The following ZDHHC18 variants were observed in gnomAD, a reference collection of about 807,000 sequenced individuals.
The protein encoded by ZDHHC18 is palmitoyltransferase ZDHHC18.
In ZDHHC18, 23 loss-of-function variants were observed where a neutral mutation model predicts 37.5. The ratio of observed to expected loss-of-function variants is 0.61; its 90% confidence interval spans 0.44 to 0.87. The LOEUF (loss-of-function observed/expected upper bound fraction) is 0.87, where lower values mean the gene tolerates loss of function less well. Among genes scored for constraint, ZDHHC18 ranks in the 40% least tolerant of loss-of-function variants. The pLI is 0.00. For missense variants in ZDHHC18, 406 were observed against 525.6 expected, an observed-to-expected ratio of 0.77 and a Z score of 2.22; for synonymous variants, 185 against 218.7, an observed-to-expected ratio of 0.85 and a Z score of 1.36.
intron 6 of ZDHHC18, 136 bp downstream of exon 6, chr1:26,851,367 C>A: frequency 1.3e-6 from 1 of 785,044 alleles, no homozygotes; most frequent in Non-Finnish European, 2.1e-6. Context: ...AGCCAGATGC[C>A]TCCCAGTCAT....
chr1:26,826,835 C>G lies in ZDHHC18; in HGVS notation c.31C>G (p.Pro11Ala). MKDCEYQQIS[P>A]GAAPLPASPG... ...GGACTGCGAGTACCAGCAGATCAGC[C>G]CCGGGGCCGCCCCGCTGCCCGCCTC... The change falls in exon 1 of 8, where the codon CCC becomes GCC. Residue 11 changes from proline (P) to alanine (A), a missense_variant. Pro to Ala is a conservative substitution (Grantham distance 27, BLOSUM62 -1). Coordinates refer to ENST00000374142, the MANE Select transcript of ZDHHC18 (RefSeq NM_032283.3). The surrounding 1 kb of genome is among the most constrained non-coding windows in gnomAD (Gnocchi z 5.2). 1 of 980,632 alleles carries G rather than the reference C, an allele frequency of 1.0e-6. No homozygotes were observed. The highest frequency in any genetic ancestry group is 1.2e-6 in the Non-Finnish European group (1 of 828,048). The allele number at this position is 980,632 out of a possible 1,614,324, so 60.7% of individuals were successfully genotyped here. A position where few individuals can be genotyped will look rare whatever the true frequency, so the allele number is the denominator to read the frequency against.
chr1:26,829,350 G>A (rs1195010911), intron 1 of ZDHHC18, among the ~76,000 whole-genome samples: 6 of 151,984 alleles, frequency 3.9e-5, no homozygotes, highest in Admixed American at 3.9e-4. Flanking sequence ...TCTAACTCAG[G>A]CCTGAATCCT....
chr1:26,837,510 C>T (rs12725709), intron 2 of ZDHHC18, among the ~76,000 whole-genome samples: 6 of 150,072 alleles, frequency 4.0e-5, no homozygotes, highest in Admixed American at 1.3e-4. Context: ...GACAGAGTCT[C>T]GCTCTGTCAC....
At chr1:26,851,718 C>G (rs189280462) in intron 6 of ZDHHC18, among the ~76,000 whole-genome samples, 1 of 152,352 alleles carries the variant, frequency 6.6e-6, no homozygotes, top group East Asian at 1.9e-4. Context: ...TATGCGCTCC[C>G]TCTTCCACAC....
At chr1:26,840,911 C>T (rs2081635634) in intron 2 of ZDHHC18, among the ~76,000 whole-genome samples, 1 of 150,984 alleles carries the variant, frequency 6.6e-6, no homozygotes, top group Non-Finnish European at 1.5e-5. Context: ...GTTTCATTAC[C>T]ACCTTGACTT....
chr1:26,843,310 C>G (rs1008349149), intron 2 of ZDHHC18, among the ~76,000 whole-genome samples: 2 of 150,944 alleles, frequency 1.3e-5, no homozygotes, highest in African/African-American at 2.4e-5. Flanking sequence ...ACCCGGCTAA[C>G]TTTTGTGTTT....
chr1:26,847,089 G>T (rs1425796054), intron 2 of ZDHHC18, among the ~76,000 whole-genome samples: 1 of 151,820 alleles, frequency 6.6e-6, no homozygotes, highest in Non-Finnish European at 1.5e-5. Context: ...TAGAGACGGG[G>T]TTTCACCGTG....
chr1:26,836,790 G>C (rs1436568638), intron 2 of ZDHHC18, among the ~76,000 whole-genome samples: 2 of 149,066 alleles, frequency 1.3e-5, no homozygotes, highest in Non-Finnish European at 3.0e-5. Flanking sequence ...GGATGGTCTC[G>C]ATCTCCTGAC....
At chr1:26,832,860 G>A (rs1161607706) in intron 2 of ZDHHC18, among the ~76,000 whole-genome samples, 1 of 152,216 alleles carries the variant, frequency 6.6e-6, no homozygotes, top group Non-Finnish European at 1.5e-5. Flanking sequence ...GTTCCTGGGG[G>A]CTAGGCACTG....
intron 2 of ZDHHC18, among the ~76,000 whole-genome samples, chr1:26,846,819 C>T (rs567269403): frequency 3.3e-5 from 5 of 152,192 alleles, no homozygotes; most frequent in African/African-American, 1.2e-4. Context: ...AATATTTCAA[C>T]ATATGTCTTA....
At position 26,826,936 on chromosome 1, in the gene ZDHHC18, C is replaced by T. The variant is rs1184692345; in HGVS notation, c.132C>T (p.Ala44=). Residue 44 remains alanine (A), a synonymous_variant, in exon 1 of 8, where the codon GCC becomes GCT. Coordinates refer to ENST00000374142, the MANE Select transcript of ZDHHC18 (RefSeq NM_032283.3). This position sits in a 1 kb window ranked among gnomAD's most constrained non-coding sequence, Gnocchi z 5.2. Reference sequence around the variant, plus strand: ...GGCCCGCGCCGCCCGCCGCCCCCGCCCCGCCGCGCTGGAGCAGCAGCGGCA... The same window carrying T: ...GGCCCGCGCCGCCCGCCGCCCCCGCTCCGCCGCGCTGGAGCAGCAGCGGCA... ...GPGPAPPAAP[A]PPRWSSSGSG... is the part of the protein sequence containing the mutation. 3 of 1,121,466 alleles carry T rather than the reference C, an allele frequency of 2.7e-6. No individual in the cohort carries two copies. In the East Asian group the frequency reaches 1.3e-4, roughly 49 times the overall value. 69.5% of individuals were successfully genotyped at this position (1,121,466 alleles called of 1,614,324 possible).
In ZDHHC18 at chr1:26,856,140, C is replaced by G. The variant is rs182029319; in HGVS notation, c.*2297C>G. ...TCCAACCTGGGCACCAGGGCCCAGC[C>G]AGACAACTCATAACACTGGCCCACC... On this transcript the variant is annotated 3_prime_UTR_variant, in exon 8 of 8. Coordinates refer to ENST00000374142, the MANE Select transcript of ZDHHC18 (RefSeq NM_032283.3). The surrounding 1 kb of genome is among the most constrained non-coding windows in gnomAD (Gnocchi z 5.2). The G allele has an allele frequency of 2.7e-5, 12 of 437,354 alleles. No individual in the cohort carries two copies. Among genetic ancestry groups the G allele is most frequent in the Non-Finnish European group, 4.7e-5 (10 of 211,312 alleles). The allele number at this position is 437,354 out of a possible 1,614,324, so 27.1% of individuals were successfully genotyped here. A position where few individuals can be genotyped will look rare whatever the true frequency, so the allele number is the denominator to read the frequency against.
rs1341118264 is a variant in ZDHHC18, at chr1:26,826,913, C to G, written c.109C>G (p.Pro37Ala). 2 of 994,716 alleles carry G rather than the reference C, an allele frequency of 2.0e-6. No homozygotes were observed. Among genetic ancestry groups the G allele is most frequent in the African/African-American group, 1.8e-5 (1 of 56,814 alleles). The allele number at this position is 994,716 out of a possible 1,614,324, so 61.6% of individuals were successfully genotyped here. The stretch of plus-strand genomic sequence containing the variant: ...CGCGTCCCCGACTCCGGGCCCCGGG[C>G]CCGCGCCGCCCGCCGCCCCCGCCCC... ...PAASPTPGPGPAPPAAPAPPR... is the reference protein window; with the variant it reads ...PAASPTPGPGAAPPAAPAPPR... Residue 37 changes from proline to alanine, a missense_variant, in exon 1 of 8, where the codon CCC becomes GCC. Transcript: ENST00000374142. The surrounding 1 kb of genome is among the most constrained non-coding windows in gnomAD (Gnocchi z 5.2).
intron 2 of ZDHHC18, among the ~76,000 whole-genome samples, chr1:26,843,451 T>A (rs2081648473): frequency 6.6e-6 from 1 of 151,492 alleles, no homozygotes; most frequent in African/African-American, 2.4e-5. Context: ...TCCTTTTTTC[T>A]CTATTTCTTA....
chr1:26,842,148 AAAGAG>A (rs1300454014), intron 2 of ZDHHC18, among the ~76,000 whole-genome samples: 10 of 148,584 alleles, frequency 6.7e-5, no homozygotes, highest in African/African-American at 2.2e-4. Flanking sequence ...AAAAAAAAAA[AAAGAG>A]AGAGAGAGAG....
intron 2 of ZDHHC18, among the ~76,000 whole-genome samples, chr1:26,840,998 C>A (rs1172603686): frequency 6.7e-6 from 1 of 150,070 alleles, no homozygotes; most frequent in Admixed American, 6.7e-5. Flanking sequence ...GAGGGGGGGA[C>A]AGAGTTTTGC....
At chr1:26,832,353 G>A in intron 1 of ZDHHC18, 94 bp from the exon 2 acceptor site, 1 of 1,510,784 alleles carries the variant, frequency 6.6e-7, no homozygotes, top group Non-Finnish European at 9.0e-7. Flanking sequence ...TTTGGTGGTG[G>A]TTGTTGGAAT....
chr1:26,849,484 G>A (rs375866818), intron 3 of ZDHHC18, among the ~76,000 whole-genome samples: 66 of 152,326 alleles, frequency 4.3e-4, no homozygotes, highest in African/African-American at 1.5e-3. Flanking sequence ...ACACCCCCCC[G>A]TGACGGCATG....
At chr1:26,847,681 C>G (rs2081677768) in intron 2 of ZDHHC18, among the ~76,000 whole-genome samples, 1 of 151,760 alleles carries the variant, frequency 6.6e-6, no homozygotes, top group South Asian at 2.1e-4. Context: ...CTCTCTTTCT[C>G]TCTCTCTCTT....
Sources: allele counts gnomAD v4.1 joint callset (sites outside exome capture counted in the v4.1 genomes callset), GRCh38; gene constraint gnomAD v4.1.1; non-coding constraint Gnocchi (gnomAD v3.1); transcripts MANE v1.5; gene names NCBI Gene and HGNC (gene_info 2026-07-23, HGNC 2026-07-21).